LHFPL3: variants seen among roughly 807,000 people sequenced by gnomAD.
LHFPL3 encodes the protein LHFPL tetraspan subfamily member 3 protein.
In LHFPL3, 5 loss-of-function variants were observed where a neutral mutation model predicts 19.3. That is an observed-to-expected ratio of 0.26 (90% CI 0.14 to 0.54). The LOEUF is 0.54. Ranked by LOEUF, LHFPL3 falls within the 20% of genes least tolerant of loss-of-function variation. LHFPL3 has a pLI of 0.94. For missense variants in LHFPL3, 249 were observed against 307.4 expected (o/e 0.81, Z 1.42); for synonymous variants, 133 against 126.2 (o/e 1.05, Z -0.36).
At chr7:104,487,403 T>G (rs1793257554) in intron 1 of LHFPL3, among the ~76,000 whole-genome samples, 1 of 152,208 alleles carries the variant, frequency 6.6e-6, no homozygotes, top group African/African-American at 2.4e-5. Context: ...CTCTAGTAGC[T>G]TAGGGCACAA....
intron 1 of LHFPL3, among the ~76,000 whole-genome samples, chr7:104,569,373 C>T (rs1191811520): frequency 6.6e-6 from 1 of 152,156 alleles, no homozygotes; most frequent in African/African-American, 2.4e-5. Flanking sequence ...GAATGAATGA[C>T]ATTTGACCTG....
At chr7:104,722,514 A>G (rs180922329) in intron 1 of LHFPL3, among the ~76,000 whole-genome samples, 2 of 152,348 alleles carry the variant, frequency 1.3e-5, no homozygotes, top group East Asian at 3.9e-4. Flanking sequence ...TTTCTTCACC[A>G]CACTCTAAAC....
chr7:104,335,768 T>C (rs1160958993), intron 1 of LHFPL3, among the ~76,000 whole-genome samples: 1 of 151,316 alleles, frequency 6.6e-6, no homozygotes, highest in Non-Finnish European at 1.5e-5. Flanking sequence ...GGCATGTTGC[T>C]ACCACTCAGG....
chr7:104,423,436 G>A (rs1432362780), intron 1 of LHFPL3, among the ~76,000 whole-genome samples: 1 of 152,000 alleles, frequency 6.6e-6, no homozygotes, highest in Non-Finnish European at 1.5e-5. Context: ...AAAAAAGTGG[G>A]ACCCTGTCTC....
chr7:104,778,633 C>A (rs1007210479), intron 2 of LHFPL3, among the ~76,000 whole-genome samples: 1 of 152,244 alleles, frequency 6.6e-6, no homozygotes, highest in African/African-American at 2.4e-5. Flanking sequence ...TTAGGCCAGC[C>A]TCCTACTTAG....
chr7:104,579,253 A>C (rs1481930252), intron 1 of LHFPL3, among the ~76,000 whole-genome samples: 1 of 152,128 alleles, frequency 6.6e-6, no homozygotes, highest in Non-Finnish European at 1.5e-5. Flanking sequence ...TATTGAACCC[A>C]TCACCAAAAT....
chr7:104,829,469 A>G (rs1029067316), intron 2 of LHFPL3, among the ~76,000 whole-genome samples: 11 of 151,704 alleles, frequency 7.3e-5, no homozygotes, highest in African/African-American at 9.7e-5. Flanking sequence ...TCCTAATGCT[A>G]TCCCTCCCCC....
intron 1 of LHFPL3, among the ~76,000 whole-genome samples, chr7:104,505,952 C>A (rs1793690523): frequency 6.6e-6 from 1 of 152,016 alleles, no homozygotes; most frequent in East Asian, 1.9e-4. Flanking sequence ...GACTTAATTA[C>A]ACATAATACA....
At chr7:104,532,997 C>T (rs1794331074) in intron 1 of LHFPL3, among the ~76,000 whole-genome samples, 1 of 152,182 alleles carries the variant, frequency 6.6e-6, no homozygotes. Context: ...TCCCAGAATT[C>T]TTCCAAGGGA....
chr7:104,893,895 T>G (rs1792302123), intron 2 of LHFPL3, among the ~76,000 whole-genome samples: 2 of 150,768 alleles, frequency 1.3e-5, no homozygotes, highest in African/African-American at 4.9e-5. Context: ...GAGGTTGCAG[T>G]GAGCAGAGAT....
intron 1 of LHFPL3, among the ~76,000 whole-genome samples, chr7:104,707,541 G>C (rs1290868680): frequency 6.6e-6 from 1 of 152,206 alleles, no homozygotes; most frequent in Admixed American, 6.5e-5. Context: ...ACCTTAAGGA[G>C]TTCAACCATC....
chr7:104,555,968 G>T (rs984940207), intron 1 of LHFPL3, among the ~76,000 whole-genome samples: 11 of 152,212 alleles, frequency 7.2e-5, no homozygotes, highest in African/African-American at 2.2e-4. Context: ...AAATCTTAAA[G>T]CTCCAAAATG....
At chr7:104,753,194 C>A (rs781001018) in intron 2 of LHFPL3, among the ~76,000 whole-genome samples, 49 of 152,186 alleles carry the variant, frequency 3.2e-4, no homozygotes, top group Non-Finnish European at 2.9e-5. Flanking sequence ...TATAATAGAA[C>A]TTTAGAGTTC....
intron 1 of LHFPL3, among the ~76,000 whole-genome samples, chr7:104,521,134 T>C (rs1794050235): frequency 1.3e-5 from 2 of 152,312 alleles, no homozygotes; most frequent in South Asian, 4.1e-4. Context: ...TCCCAGAGAT[T>C]CTGGTATGTT....
intron 2 of LHFPL3, among the ~76,000 whole-genome samples, chr7:104,819,947 A>G (rs1422977911): frequency 6.6e-6 from 1 of 152,196 alleles, no homozygotes; most frequent in Admixed American, 6.5e-5. Context: ...TCAAAGCAAT[A>G]TACAAAACGA....
intron 1 of LHFPL3, among the ~76,000 whole-genome samples, chr7:104,401,832 C>A (rs1439461572): frequency 6.6e-6 from 1 of 152,098 alleles, no homozygotes; most frequent in Non-Finnish European, 1.5e-5. Context: ...CCGTGCACCC[C>A]TCATTAAGAG....
chr7:104,580,201 C>A (rs574281002), intron 1 of LHFPL3, among the ~76,000 whole-genome samples: 14 of 152,160 alleles, frequency 9.2e-5, no homozygotes, highest in Non-Finnish European at 1.5e-5. Flanking sequence ...ATTCAGGTTC[C>A]CTCTGGAGTG....
At chr7:104,793,861 G>T (rs570586554) in intron 2 of LHFPL3, among the ~76,000 whole-genome samples, 6 of 152,308 alleles carry the variant, frequency 3.9e-5, no homozygotes, top group African/African-American at 1.2e-4. Flanking sequence ...TGTGGTAGTG[G>T]AAAGCGAACT....
chr7:104,876,813 G>T (rs181758336), intron 2 of LHFPL3, among the ~76,000 whole-genome samples: 2,241 of 152,240 alleles, frequency 0.015, 45 homozygotes, highest in African/African-American at 0.051. Flanking sequence ...GCTGCTATAA[G>T]GACACATGCA....
Sources: allele counts gnomAD v4.1 joint callset (sites outside exome capture counted in the v4.1 genomes callset), GRCh38; gene constraint gnomAD v4.1.1; transcripts MANE v1.5; gene names NCBI Gene and HGNC (gene_info 2026-07-23, HGNC 2026-07-21).